IMPG1: variants seen among roughly 807,000 people sequenced by gnomAD.
IMPG1 encodes interphotoreceptor matrix proteoglycan 1.
Under a neutral mutation model 92.0 loss-of-function variants are expected in IMPG1, and 85 were observed. The observed-to-expected ratio is 0.92, with a 90% CI of 0.78 to 1.11. The LOEUF is 1.11. Among genes scored for constraint, IMPG1 ranks in the 50% least tolerant of loss-of-function variants. The pLI is 0.00. For synonymous variants in IMPG1, 367 were observed against 334.1 expected (o/e 1.10, Z -1.08); for missense variants, 1,022 against 956.0 (o/e 1.07, Z -0.91).
intron 15 of IMPG1, among the ~76,000 whole-genome samples, chr6:75,924,569 ATATATAAT>A (rs1438809906): frequency 7.0e-5 from 2 of 28,406 alleles, no homozygotes; most frequent in African/African-American, 1.9e-4. Context: ...ATTATATATT[ATATATAAT>A]TAATATAATT....
chr6:76,038,809 C>T (rs1232312588), intron 2 of IMPG1, among the ~76,000 whole-genome samples: 1 of 152,214 alleles, frequency 6.6e-6, no homozygotes, highest in African/African-American at 2.4e-5. Context: ...AAGGTCATAT[C>T]CTAAGTCATT....
intron 12 of IMPG1, among the ~76,000 whole-genome samples, chr6:75,953,334 G>A (rs979712181): frequency 6.6e-6 from 1 of 152,148 alleles, no homozygotes; most frequent in Admixed American, 6.5e-5. Flanking sequence ...GTGTTACACA[G>A]GTATACATGT....
chr6:75,992,704 T>C (rs769702524), intron 12 of IMPG1, among the ~76,000 whole-genome samples: 1 of 152,192 alleles, frequency 6.6e-6, no homozygotes, highest in Non-Finnish European at 1.5e-5. Flanking sequence ...TTTCTGACTT[T>C]TAAGGCCCTG....
At chr6:75,971,120 A>G (rs544243835) in intron 12 of IMPG1, among the ~76,000 whole-genome samples, 7 of 152,250 alleles carry the variant, frequency 4.6e-5, no homozygotes, top group Admixed American at 1.3e-4. Flanking sequence ...CATATACACC[A>G]TGGAATACTA....
intron 12 of IMPG1, among the ~76,000 whole-genome samples, chr6:75,988,484 G>A (rs924075438): frequency 2.0e-5 from 3 of 152,016 alleles, no homozygotes; most frequent in African/African-American, 4.8e-5. Flanking sequence ...ATTTTTTCTT[G>A]TAAATTTGTT....
At position 75,954,321 on chromosome 6, in the gene IMPG1, G is replaced by A. The variant is rs1375823898; in HGVS notation, c.1292-3227C>T. On this transcript the variant is annotated intron_variant, in intron 12 of 16. Coordinates refer to ENST00000369950, the MANE Select transcript of IMPG1 (RefSeq NM_001563.4). ...ATCGTCATTCTAACTGGTGTGAGAT[G>A]GTATCTCATTGTGGTTTTGATTTGC... is the stretch of plus-strand genomic sequence containing the variant. Among the ~76,000 whole-genome samples, 3 of 152,112 alleles carry A rather than the reference G, an allele frequency of 2.0e-5. No individual in the cohort carries two copies. In the East Asian group the frequency reaches 5.8e-4, roughly 29 times the overall value.
chr6:76,015,800 C>CGA (rs1783275656), intron 7 of IMPG1, among the ~76,000 whole-genome samples: 1 of 66,744 alleles, frequency 1.5e-5, no homozygotes, highest in African/African-American at 6.2e-5. Context: ...AACTCTGTCT[C>CGA]AAAAAAAAAA....
intron 15 of IMPG1, among the ~76,000 whole-genome samples, chr6:75,929,017 C>T (rs546304489): frequency 1.3e-5 from 2 of 152,318 alleles, no homozygotes; most frequent in African/African-American, 4.8e-5. Flanking sequence ...AACCATTTCC[C>T]TATTGATGGG....
rs541975330 is a variant in IMPG1, at chr6:75,945,645, C to T, written c.2044+1669G>A. ...GGATTATGGGTGTGAGCCACCACAC[C>T]CGGCCAAAATTTCTCCATTTTCCAT... is the stretch of plus-strand genomic sequence containing the variant. On this transcript the variant is annotated intron_variant, in intron 14 of 16. Transcript: ENST00000369950. Among the ~76,000 whole-genome samples the T allele has an allele frequency of 2.1e-4, 32 of 152,244 alleles. 1 individual carries two copies. The South Asian group carries it at 5.4e-3, about 26-fold the overall frequency.
chr6:75,974,402 T>C (rs1292540571), intron 12 of IMPG1, among the ~76,000 whole-genome samples: 1 of 110,478 alleles, frequency 9.1e-6, no homozygotes, highest in Non-Finnish European at 2.0e-5. Flanking sequence ...TTTTCTTTCT[T>C]TCCTTCCTTC....
At chr6:75,990,138 G>C (rs545260866) in intron 12 of IMPG1, among the ~76,000 whole-genome samples, 70 of 152,238 alleles carry the variant, frequency 4.6e-4, no homozygotes, top group African/African-American at 1.7e-3. Flanking sequence ...CCCTATCAAT[G>C]AAGTATGGCG....
chr6:76,069,063 A>T (rs554895698), intron 1 of IMPG1, among the ~76,000 whole-genome samples: 7 of 152,242 alleles, frequency 4.6e-5, no homozygotes, highest in African/African-American at 1.7e-4. Context: ...CAGAGTAGAG[A>T]ACCCACATAC....
At position 75,930,910 on chromosome 6, in the gene IMPG1, G is replaced by A. The variant is rs747038134; in HGVS notation, c.2243+43C>T. 14 of 1,520,154 alleles carry A rather than the reference G, an allele frequency of 9.2e-6. 1 individual carries two copies. The East Asian group carries it at 1.6e-4, about 17-fold the overall frequency. 94.2% of individuals were successfully genotyped at this position (1,520,154 alleles called of 1,614,324 possible). ...AATGATGGGTTTCTCAGAAGTGTAA[G>A]TAATGAGTTCTTGAGTCTGTGACGT... On this transcript the variant is annotated intron_variant, in intron 15 of 16. Transcript: ENST00000369950.
intron 12 of IMPG1, among the ~76,000 whole-genome samples, chr6:76,002,142 G>A (rs981936134): frequency 1.3e-5 from 2 of 152,076 alleles, no homozygotes; most frequent in African/African-American, 2.4e-5. Context: ...CTAGTATCCT[G>A]GGGCTTGTGT....
intron 1 of IMPG1, among the ~76,000 whole-genome samples, chr6:76,044,965 C>T (rs1024998432): frequency 1.3e-5 from 2 of 152,250 alleles, no homozygotes; most frequent in East Asian, 3.9e-4. Flanking sequence ...TGTTTCTCAG[C>T]ACGTCCATGA....
chr6:75,991,092 T>G (rs749987831), intron 12 of IMPG1, among the ~76,000 whole-genome samples: 2 of 152,148 alleles, frequency 1.3e-5, no homozygotes, highest in East Asian at 3.9e-4. Flanking sequence ...GCATGAAGGA[T>G]GCTTCTCACT....
At chr6:76,014,385 CAGA>C (rs1783246527) in intron 7 of IMPG1, among the ~76,000 whole-genome samples, 1 of 152,114 alleles carries the variant, frequency 6.6e-6, no homozygotes. Context: ...AGGTCAGGGG[CAGA>C]AGGCCTGGGG....
chr6:75,966,901 G>A (rs1402727951), intron 12 of IMPG1, among the ~76,000 whole-genome samples: 1 of 152,160 alleles, frequency 6.6e-6, no homozygotes, highest in East Asian at 1.9e-4. Context: ...AACAAGGCCG[G>A]GCATGATGGC....
chr6:75,992,921 C>T (rs143476048), intron 12 of IMPG1, among the ~76,000 whole-genome samples: 45 of 152,308 alleles, frequency 3.0e-4, no homozygotes, highest in African/African-American at 9.1e-4. Flanking sequence ...TTCTCCTCTT[C>T]TGAACTAAAA....
Sources: allele counts gnomAD v4.1 joint callset (sites outside exome capture counted in the v4.1 genomes callset), GRCh38; gene constraint gnomAD v4.1.1; transcripts MANE v1.5; gene names NCBI Gene and HGNC (gene_info 2026-07-23, HGNC 2026-07-21).